FTSJ3: variants seen among roughly 807,000 people sequenced by gnomAD.
FTSJ3 encodes the protein FtsJ RNA 2'-O-methyltransferase 3.
Under a neutral mutation model 111.5 loss-of-function variants are expected in FTSJ3, and 46 were observed. The observed-to-expected ratio is 0.41, with a 90% CI of 0.33 to 0.53. The LOEUF is 0.53. Among genes scored for constraint, FTSJ3 ranks in the 20% least tolerant of loss-of-function variants. FTSJ3 has a pLI of 0.19. For synonymous variants in FTSJ3, 408 were observed against 383.0 expected (o/e 1.07, Z -0.76); for missense variants, 1,075 against 1,063.8 (o/e 1.01, Z -0.15).
In FTSJ3 at chr17:63,827,184, T is replaced by C. The variant is rs1289707936; in HGVS notation, c.-159A>G. 1.2e-5 allele frequency: 7 copies of C among 605,724 alleles called. No homozygotes were observed. Among genetic ancestry groups the C allele is most frequent in the African/African-American group, 1.1e-4 (6 of 53,944 alleles). The allele number at this position is 605,724 out of a possible 1,614,324, so 37.5% of individuals were successfully genotyped here. A position where few individuals can be genotyped will look rare whatever the true frequency, so the allele number is the denominator to read the frequency against. On this transcript the variant is annotated 5_prime_UTR_variant, in exon 1 of 21. Transcript: ENST00000427159. ...TTTTGAGTGTGGCCCTAGATTGTTC[T>C]CAATACTCTGTCCTTGGGTTTTGTA... is the stretch of plus-strand genomic sequence containing the variant.
rs1214134219 is a variant in FTSJ3 at position 63,826,465 on chromosome 17, G to C, written c.173+102C>G. 11 of 1,209,010 alleles carry C rather than the reference G, an allele frequency of 9.1e-6. 1 individual carries two copies. The highest frequency in any genetic ancestry group is 2.5e-4 in the Middle Eastern group (1 of 4,026). The allele number at this position is 1,209,010 out of a possible 1,614,324, so 74.9% of individuals were successfully genotyped here. On this transcript the variant is annotated intron_variant, in intron 3 of 20. Transcript: ENST00000427159. ...CAAGAAAGGAAACGGCCCCCAAGAG[G>C]ACCGGGATTCGGGTTCCCCTCCCGC...
At chr17:63,823,571 G>T (rs895104824) in intron 13 of FTSJ3, 4 of 410,126 alleles carry the variant, frequency 9.8e-6, no homozygotes, top group African/African-American at 4.2e-5. Context: ...CTCCAGCCTG[G>T]GCAACAGAGC....
chr17:63,827,476 T>A lies in FTSJ3; in HGVS notation c.-451A>T. 6.4e-7 allele frequency: 1 copy of A among 1,551,716 alleles called. No homozygotes were observed. Among genetic ancestry groups the A allele is most frequent in the Non-Finnish European group, 8.7e-7 (1 of 1,147,004 alleles). ...AGACGGCTCGGATGCCGGCGGTCTCTGCTGAAGAGAGAAGATGGCGCTTGA... is the reference window on the plus strand; with the variant it reads ...AGACGGCTCGGATGCCGGCGGTCTCAGCTGAAGAGAGAAGATGGCGCTTGA... On this transcript the variant is annotated 5_prime_UTR_variant, in exon 1 of 21. Coordinates refer to ENST00000427159, the MANE Select transcript of FTSJ3 (RefSeq NM_017647.4).
intron 18 of FTSJ3, 24 bp from the exon 19 acceptor site, chr17:63,820,462 A>ATT (rs2040038895): frequency 6.2e-7 from 1 of 1,608,246 alleles, no homozygotes; most frequent in African/African-American, 1.3e-5. Flanking sequence ...ACATCTGTCT[A>ATT]ATATCCAACA....
At position 63,821,331 on chromosome 17, in the gene FTSJ3, TTC is replaced by T. The variant is rs780785593; in HGVS notation, c.1886+21_1886+22del. On this transcript the variant is annotated intron_variant, in intron 16 of 20. Coordinates refer to ENST00000427159, the MANE Select transcript of FTSJ3 (RefSeq NM_017647.4). ...CAAGCCACCGCTTCCTTTCCATCCC[TTC>T]TCTCAGCTGCAACTACTCACCTCTC... The T allele has an allele frequency of 1.9e-6, 3 of 1,587,560 alleles. No individual in the cohort carries two copies. The East Asian group carries it at 6.7e-5, about 36-fold the overall frequency.
Position 63,826,116 on chromosome 17 carries a change from G to A in FTSJ3, c.240C>T (p.Ile80=). Residue 80 remains isoleucine, a synonymous_variant, in exon 5 of 21, where the codon ATC becomes ATT. Transcript: ENST00000427159. The stretch of plus-strand genomic sequence containing the variant: ...GAGTCACCACATTGGGGAGAGGCTT[G>A]ATTGGAACCAGGTCCACTCCTGGAA... ...SLIVGVDLVP[I]KPLPNVVTLQ... is the part of the protein sequence containing the mutation. 1 of 1,614,000 alleles carries A rather than the reference G, an allele frequency of 6.2e-7. No individual in the cohort carries two copies. Among genetic ancestry groups the A allele is most frequent in the Non-Finnish European group, 8.5e-7 (1 of 1,179,846 alleles).
intron 13 of FTSJ3, among the ~76,000 whole-genome samples, chr17:63,822,733 TG>T (rs2040062767): frequency 6.6e-6 from 1 of 152,070 alleles, no homozygotes; most frequent in Non-Finnish European, 1.5e-5. Context: ...GAGGCTGCAG[TG>T]AGTCATGATG....
rs749097576 is a variant in FTSJ3 at position 63,823,914 on chromosome 17, C to T, written c.1193G>A (p.Arg398Gln). ...ATCCATCTTCAGCTCCACACGCTCC[C>T]GCTGCTTTCTCTGCTCACGCAACAG... is the stretch of plus-strand genomic sequence containing the variant. ...KKLLREQRKQRERVELKMDLP... is the reference protein window; with the variant it reads ...KKLLREQRKQQERVELKMDLP... Residue 398 changes from arginine to glutamine, a missense_variant, in exon 13 of 21, where the codon CGG (arginine) becomes CAG (glutamine). Physicochemically the swap from Arg to Gln is conservative, Grantham distance 43. Coordinates refer to ENST00000427159, the MANE Select transcript of FTSJ3 (RefSeq NM_017647.4). 28 of 1,614,056 alleles carry T rather than the reference C, an allele frequency of 1.7e-5. No homozygotes were observed. The highest frequency in any genetic ancestry group is 1.2e-4 in the Admixed American group (7 of 60,010).
Position 63,820,224 on chromosome 17 carries a change from C to T in FTSJ3, c.2256+31G>A, listed in dbSNP as rs376003720. The T allele has an allele frequency of 5.6e-6, 9 of 1,605,826 alleles. No homozygotes were observed. The African/African-American group carries it at 1.1e-4, about 19-fold the overall frequency. On this transcript the variant is annotated intron_variant, in intron 19 of 20. Transcript: ENST00000427159. ...TCTTCCCCATCCCCCCACCCCCACCCCACCCAATCTCTGGAGGCCCCATCA... is the reference window on the plus strand; with the variant it reads ...TCTTCCCCATCCCCCCACCCCCACCTCACCCAATCTCTGGAGGCCCCATCA...
chr17:63,819,688 T>C lies in FTSJ3; in HGVS notation c.*114A>G, dbSNP rs1470046070. Reference sequence around the variant, plus strand: ...TCTAGGCACTCCACCTCACTGTTCTTCAGACAGCTGTGATGTGAGCAGGGG... The same window carrying C: ...TCTAGGCACTCCACCTCACTGTTCTCCAGACAGCTGTGATGTGAGCAGGGG... On this transcript the variant is annotated 3_prime_UTR_variant, in exon 21 of 21. Transcript: ENST00000427159. 1 of 999,032 alleles carries C rather than the reference T, an allele frequency of 1.0e-6. No homozygotes were observed. Among genetic ancestry groups the C allele is most frequent in the Admixed American group, 2.4e-5 (1 of 41,728 alleles). The allele number at this position is 999,032 out of a possible 1,614,324, so 61.9% of individuals were successfully genotyped here.
chr17:63,819,900 C>T lies in FTSJ3; in HGVS notation c.2446G>A (p.Gly816Arg), dbSNP rs779641176. 2 of 1,614,086 alleles carry T rather than the reference C, an allele frequency of 1.2e-6. No individual in the cohort carries two copies. The highest frequency in any genetic ancestry group is 2.7e-5 in the African/African-American group (2 of 74,922). ...ACCACCTTGAAATGACCTCTGACTC[C>T]AGCTGGCCGGCGCACTTTGCGGCCC... ...GVGRKVRRPA[G>R]VRGHFKVVDS... Residue 816 changes from glycine (G) to arginine (R), a missense_variant, in exon 21 of 21, where the codon GGA (glycine) becomes AGA (arginine). Physicochemically the swap from Gly to Arg is moderately radical, Grantham distance 125. This residue lies in a region of FTSJ3 where 867 missense variants were observed against 796.9 expected (regional missense o/e 1.09). Transcript: ENST00000427159.
chr17:63,822,890 C>T (rs2040064136), intron 13 of FTSJ3, among the ~76,000 whole-genome samples: 1 of 152,136 alleles, frequency 6.6e-6, no homozygotes, highest in Non-Finnish European at 1.5e-5. Flanking sequence ...TAGGTAGGTT[C>T]TATTATTGTT....
rs1480541007 is a variant in FTSJ3 at position 63,819,618 on chromosome 17, A to G, written c.*184T>C. On this transcript the variant is annotated 3_prime_UTR_variant, in exon 21 of 21. Transcript: ENST00000427159. ...GTGTTTTCATGGGAGACCTTCAGGC[A>G]GGCAGGAGGACATCCTCCTCTCTGC... 5.1e-6 allele frequency: 3 copies of G among 593,120 alleles called. No homozygotes were observed. The highest frequency in any genetic ancestry group is 8.9e-6 in the Non-Finnish European group (3 of 336,658). 36.7% of individuals were successfully genotyped at this position (593,120 alleles called of 1,614,324 possible). A position where few individuals can be genotyped will look rare whatever the true frequency, so the allele number is the denominator to read the frequency against.
At position 63,825,048 on chromosome 17, in the gene FTSJ3, C is replaced by CTTT; in HGVS notation, c.708_710dup (p.Lys237dup). On this transcript the variant is annotated inframe_insertion and splice_region_variant, in exon 8 of 21. Transcript: ENST00000427159. ...AGTGACCCCATTCCCCAAAACACAC[C>CTTT]TTTGGCTTCTTCTTAGTAACCAATT... 6.2e-7 allele frequency: 1 copy of CTTT among 1,613,480 alleles called. No individual in the cohort carries two copies. Among genetic ancestry groups the CTTT allele is most frequent in the Non-Finnish European group, 8.5e-7 (1 of 1,179,384 alleles).
Position 63,821,839 on chromosome 17 carries a change from G to A in FTSJ3, c.1480C>T (p.Arg494Ter). ...HQGLRDQKRMRLTEVQDDKEE... is the reference protein window; with the variant it reads ...HQGLRDQKRM ...TTATCATCTTGCACTTCAGTAAGTC[G>A]CATACTGTAGACCCAAAGGAAAGTA... The change falls in exon 15 of 21, where the codon CGA becomes TGA. Residue 494 changes from arginine (R) to a stop codon, truncating the protein, a stop_gained. Transcript: ENST00000427159. LOFTEE classifies it high-confidence loss of function. 2.5e-6 allele frequency: 4 copies of A among 1,613,858 alleles called. No individual in the cohort carries two copies. The highest frequency in any genetic ancestry group is 1.1e-5 in the South Asian group (1 of 91,076).
intron 8 of FTSJ3, 44 bp downstream of exon 8, chr17:63,825,004 T>A: frequency 6.3e-7 from 1 of 1,596,908 alleles, no homozygotes; most frequent in Non-Finnish European, 8.6e-7. Context: ...CCAACCTCCC[T>A]AGAGTTCCAG....
intron 18 of FTSJ3, 136 bp downstream of exon 18, chr17:63,820,703 C>CGCTTGA: frequency 6.3e-6 from 4 of 639,658 alleles, no homozygotes; most frequent in Non-Finnish European, 1.1e-5. Context: ...CAAGGAGAAT[C>CGCTTGA]AGGCTGCAGT....
chr17:63,826,365 A>C, intron 3 of FTSJ3, 61 bp from the exon 4 acceptor site: 1 of 1,501,778 alleles, frequency 6.7e-7, no homozygotes, highest in Non-Finnish European at 9.3e-7. Context: ...TTGGCAACTG[A>C]TCTCTCATCC....
chr17:63,826,320 A>G lies in FTSJ3; in HGVS notation c.174-16T>C. ...TACCTGCAGCCTATAAAAGGAACAG[A>G]AATTTAAAAACCTAGAGCCATCCTT... On this transcript the variant is annotated splice_polypyrimidine_tract_variant and intron_variant, in intron 3 of 20. Coordinates refer to ENST00000427159, the MANE Select transcript of FTSJ3 (RefSeq NM_017647.4). The G allele has an allele frequency of 6.2e-7, 1 of 1,611,092 alleles. No homozygotes were observed. Among genetic ancestry groups the G allele is most frequent in the Non-Finnish European group, 8.5e-7 (1 of 1,179,694 alleles).
Sources: gnomAD v4.1 joint callset for allele counts (sites outside exome capture counted in the v4.1 genomes callset) on GRCh38, gnomAD v4.1.1 for gene constraint, gnomAD v4.1.1 regional missense constraint, MANE v1.5 for transcripts, NCBI Gene and HGNC (gene_info 2026-07-23, HGNC 2026-07-21) for gene names.